ATP6V0E1: variants seen among roughly 807,000 people sequenced by gnomAD.
ATP6V0E1 encodes the protein ATPase H+ transporting V0 subunit e1.
In ATP6V0E1, 4 loss-of-function variants were observed where a neutral mutation model predicts 11.6. That is an observed-to-expected ratio of 0.35 (90% CI 0.17 to 0.79). ATP6V0E1 has a LOEUF of 0.79. ATP6V0E1 is among the 30% of genes least tolerant of loss of function. The pLI is 0.54. For synonymous variants in ATP6V0E1, 36 were observed against 34.8 expected (o/e 1.04, Z -0.13); for missense variants, 105 against 100.0 (o/e 1.05, Z -0.21).
intron 2 of ATP6V0E1, among the ~76,000 whole-genome samples, chr5:172,997,331 G>A (rs1316161939): frequency 3.3e-5 from 5 of 151,994 alleles, no homozygotes; most frequent in African/African-American, 7.3e-5. Context: ...GAAATATTCC[G>A]ATGAATGAAA....
chr5:172,991,685 G>C (rs1306228839), intron 1 of ATP6V0E1, among the ~76,000 whole-genome samples: 1 of 152,162 alleles, frequency 6.6e-6, no homozygotes, highest in African/African-American at 2.4e-5. Flanking sequence ...TTGTGCAACT[G>C]TCAGAATTTC....
At chr5:172,984,112 C>G in intron 1 of ATP6V0E1, 148 bp downstream of exon 1, 1 of 733,742 alleles carries the variant, frequency 1.4e-6, no homozygotes, top group Non-Finnish European at 2.4e-6. Flanking sequence ...CGGCGGAACT[C>G]CTTGTGTTCC....
At chr5:173,021,071 C>T (rs746037932) in intron 3 of ATP6V0E1, 2 of 375,376 alleles carry the variant, frequency 5.3e-6, no homozygotes, top group African/African-American at 2.1e-5. Context: ...ACATGACACC[C>T]GTATCTGTTT....
intron 3 of ATP6V0E1, among the ~76,000 whole-genome samples, chr5:173,032,088 G>T (rs1249337989): frequency 6.6e-6 from 1 of 151,872 alleles, no homozygotes; most frequent in Non-Finnish European, 1.5e-5. Flanking sequence ...GGAGGTGGTG[G>T]TTGCAGTGAG....
At chr5:172,991,832 A>G (rs1026983495) in intron 1 of ATP6V0E1, among the ~76,000 whole-genome samples, 1 of 152,082 alleles carries the variant, frequency 6.6e-6, no homozygotes, top group Admixed American at 6.6e-5. Flanking sequence ...AATTCCTCTC[A>G]ACTGCTTTCT....
At chr5:172,986,501 TG>T (rs1755899603) in intron 1 of ATP6V0E1, among the ~76,000 whole-genome samples, 1 of 151,994 alleles carries the variant, frequency 6.6e-6, no homozygotes, top group Non-Finnish European at 1.5e-5. Flanking sequence ...TGCACACCTG[TG>T]GTCCTAGCTA....
chr5:173,000,458 G>A (rs1333302115), intron 2 of ATP6V0E1, among the ~76,000 whole-genome samples: 1 of 152,116 alleles, frequency 6.6e-6, no homozygotes, highest in East Asian at 1.9e-4. Flanking sequence ...GTAATGTATT[G>A]TGAAGACACA....
chr5:173,012,872 C>T (rs1756350260), intron 2 of ATP6V0E1, among the ~76,000 whole-genome samples: 1 of 151,928 alleles, frequency 6.6e-6, no homozygotes, highest in Non-Finnish European at 1.5e-5. Flanking sequence ...TGACTAAGAC[C>T]TCAAAAGCAC....
intron 3 of ATP6V0E1, among the ~76,000 whole-genome samples, chr5:173,034,024 A>G (rs1355749509): frequency 2.0e-5 from 3 of 152,220 alleles, no homozygotes; most frequent in Non-Finnish European, 4.4e-5. Flanking sequence ...CTGGCCCCAG[A>G]GCAGAGTTCG....
At chr5:173,031,098 C>T (rs1756643771) in intron 3 of ATP6V0E1, among the ~76,000 whole-genome samples, 2 of 152,050 alleles carry the variant, frequency 1.3e-5, no homozygotes, top group South Asian at 4.1e-4. Context: ...GTGCCCGCCA[C>T]CATACCTGGC....
chr5:173,013,562 CAG>C (rs1380882013), intron 2 of ATP6V0E1, among the ~76,000 whole-genome samples: 1 of 121,704 alleles, frequency 8.2e-6, no homozygotes, highest in Non-Finnish European at 1.6e-5. Flanking sequence ...GCGACAGAGC[CAG>C]ACTCCATCTC....
intron 2 of ATP6V0E1, among the ~76,000 whole-genome samples, chr5:172,996,803 C>T (rs1434476850): frequency 6.6e-6 from 1 of 152,166 alleles, no homozygotes; most frequent in Non-Finnish European, 1.5e-5. Flanking sequence ...AGGGATTCTA[C>T]AATTCCCCAC....
intron 2 of ATP6V0E1, among the ~76,000 whole-genome samples, chr5:173,017,712 G>A (rs1756424049): frequency 2.0e-5 from 3 of 151,432 alleles, no homozygotes; most frequent in South Asian, 2.1e-4. Flanking sequence ...ATGGTGGCGC[G>A]TGCCTGTAAT....
At chr5:172,997,149 A>G (rs1032988683) in intron 2 of ATP6V0E1, among the ~76,000 whole-genome samples, 2 of 152,186 alleles carry the variant, frequency 1.3e-5, no homozygotes, top group Non-Finnish European at 2.9e-5. Context: ...CCTTTAATTC[A>G]GTTTTTAAAC....
At chr5:173,004,323 A>G (rs1437822126) in intron 2 of ATP6V0E1, among the ~76,000 whole-genome samples, 1 of 152,150 alleles carries the variant, frequency 6.6e-6, no homozygotes, top group African/African-American at 2.4e-5. Context: ...GCACAAGGGG[A>G]GCAAAGATGT....
intron 2 of ATP6V0E1, among the ~76,000 whole-genome samples, chr5:172,999,912 T>C (rs1453093807): frequency 6.6e-6 from 1 of 152,182 alleles, no homozygotes; most frequent in Non-Finnish European, 1.5e-5. Flanking sequence ...TTTAGCATGA[T>C]ATCTGAGTGA....
intron 1 of ATP6V0E1, among the ~76,000 whole-genome samples, chr5:172,988,411 G>C (rs561454436): frequency 1.2e-3 from 187 of 152,254 alleles, no homozygotes; most frequent in South Asian, 8.5e-3. Context: ...TGACCTTGAC[G>C]ATTTAGTTAA....
intron 2 of ATP6V0E1, among the ~76,000 whole-genome samples, chr5:173,000,488 G>A: frequency 6.6e-6 from 1 of 152,102 alleles, no homozygotes; most frequent in East Asian, 1.9e-4. Context: ...TGGAAAACAT[G>A]CTGTGTCTTA....
chr5:172,985,069 A>ACC (rs763317974), intron 1 of ATP6V0E1, among the ~76,000 whole-genome samples: 1 of 151,910 alleles, frequency 6.6e-6, no homozygotes, highest in Non-Finnish European at 1.5e-5. Context: ...ACACGGTGAA[A>ACC]CCCGTCTCTA....
Sources: allele counts gnomAD v4.1 joint callset (sites outside exome capture counted in the v4.1 genomes callset), GRCh38; gene constraint gnomAD v4.1.1; transcripts MANE v1.5; gene names NCBI Gene and HGNC (gene_info 2026-07-23, HGNC 2026-07-21).